Variants in APBA1 observed in about 807,000 individuals in gnomAD.
APBA1 encodes the protein amyloid-beta A4 precursor protein-binding family A member 1.
Under a neutral mutation model 86.6 loss-of-function variants are expected in APBA1, and 55 were observed. That is an observed-to-expected ratio of 0.64 (90% confidence interval 0.51 to 0.80). APBA1 has a LOEUF of 0.80. Among genes scored for constraint, APBA1 ranks in the 30% least tolerant of loss-of-function variants. The pLI, the probability that APBA1 is intolerant of heterozygous loss-of-function variation, is 0.00. For synonymous variants in APBA1, 511 were observed against 493.9 expected (o/e 1.03, Z -0.46); for missense variants, 1,090 against 1,183.0 (o/e 0.92, Z 1.15).
chr9:69,605,003 T>C (rs1387607023), intron 1 of APBA1, among the ~76,000 whole-genome samples: 1 of 152,216 alleles, frequency 6.6e-6, no homozygotes, highest in Non-Finnish European at 1.5e-5. Flanking sequence ...CAAGAATTAA[T>C]GAGAAATTCT....
At chr9:69,538,170 A>G in intron 1 of APBA1, among the ~76,000 whole-genome samples, 1 of 152,326 alleles carries the variant, frequency 6.6e-6, no homozygotes, top group Non-Finnish European at 1.5e-5. Context: ...TCCATGTTTC[A>G]TCTGGCCACT....
intron 1 of APBA1, among the ~76,000 whole-genome samples, chr9:69,620,629 A>G (rs1822797036): frequency 6.6e-6 from 1 of 152,176 alleles, no homozygotes; most frequent in African/African-American, 2.4e-5. Flanking sequence ...GTGAGCCGAG[A>G]TCGTACCACT....
At chr9:69,537,474 C>T (rs945962134) in intron 1 of APBA1, among the ~76,000 whole-genome samples, 13 of 151,986 alleles carry the variant, frequency 8.6e-5, no homozygotes, top group Admixed American at 6.6e-5. Flanking sequence ...GCAAGGAGAG[C>T]TGGAAAAAGA....
chr9:69,535,773 T>C (rs1289192075), intron 1 of APBA1, among the ~76,000 whole-genome samples: 1 of 152,178 alleles, frequency 6.6e-6, no homozygotes, highest in African/African-American at 2.4e-5. Flanking sequence ...GGCAAGCCTA[T>C]GTCTAATCTC....
At position 69,456,955 on chromosome 9, in the gene APBA1, GCTGCTCTACAGACACATGC is replaced by G. The variant is rs376166290; in HGVS notation, c.1602+79_1602+97del. On this transcript the variant is annotated intron_variant, in intron 7 of 12. Coordinates refer to ENST00000265381, the MANE Select transcript of APBA1 (RefSeq NM_001163.4). ...CACTGGGGCCCAGAATCTAGGGACA[GCTGCTCTACAGACACATGC>G]CTGCTCTACAGACACATGCATCTCT... 8.2e-4 allele frequency: 831 copies of G among 1,014,934 alleles called. 3 individuals carry two copies. In the African/African-American group the frequency reaches 0.01, roughly 13 times the overall value. 62.9% of individuals were successfully genotyped at this position (1,014,934 alleles called of 1,614,324 possible). A position where few individuals can be genotyped will look rare whatever the true frequency, so the allele number is the denominator to read the frequency against.
Position 69,457,042 on chromosome 9 carries a change from C to T in APBA1, c.1602+11G>A. The T allele has an allele frequency of 6.2e-7, 1 of 1,612,328 alleles. No individual in the cohort carries two copies. Among genetic ancestry groups the T allele is most frequent in the African/African-American group, 1.3e-5 (1 of 74,988 alleles). On this transcript the variant is annotated intron_variant, in intron 7 of 12. Coordinates refer to ENST00000265381, the MANE Select transcript of APBA1 (RefSeq NM_001163.4). Reference sequence around the variant, plus strand: ...AGCTTCACCCTGGGAAAGGTGGAAGCCAGCTGATACCTGTGTGTCGGCGTT... The same window carrying T: ...AGCTTCACCCTGGGAAAGGTGGAAGTCAGCTGATACCTGTGTGTCGGCGTT...
chr9:69,601,580 T>C (rs1274587084), intron 1 of APBA1, among the ~76,000 whole-genome samples: 1 of 152,276 alleles, frequency 6.6e-6, no homozygotes, highest in Non-Finnish European at 1.5e-5. Flanking sequence ...AGAGATGGCA[T>C]TAATCTGTTT....
At chr9:69,656,459 A>T (rs1022426959) in intron 1 of APBA1, among the ~76,000 whole-genome samples, 13 of 152,252 alleles carry the variant, frequency 8.5e-5, no homozygotes, top group African/African-American at 3.1e-4. Context: ...AAGAAGTCAG[A>T]TGCAAAAGGC....
intron 1 of APBA1, among the ~76,000 whole-genome samples, chr9:69,556,703 A>C (rs1404620839): frequency 3.9e-5 from 6 of 152,236 alleles, no homozygotes; most frequent in Non-Finnish European, 7.3e-5. Context: ...GTGTCAACCA[A>C]AAGCACCCAT....
chr9:69,517,521 G>A (rs942076635), intron 1 of APBA1, among the ~76,000 whole-genome samples: 16 of 150,318 alleles, frequency 1.1e-4, no homozygotes, highest in African/African-American at 4.0e-4. Flanking sequence ...CACACTGAGC[G>A]CCTCAGGAAC....
intron 2 of APBA1, among the ~76,000 whole-genome samples, chr9:69,510,165 G>GA (rs1309145242): frequency 6.9e-6 from 1 of 145,188 alleles, no homozygotes; most frequent in Admixed American, 6.9e-5. Context: ...TGTATATCTA[G>GA]AAAACCCCAC....
chr9:69,457,435 T>G (rs529038272), intron 6 of APBA1, among the ~76,000 whole-genome samples: 1 of 152,314 alleles, frequency 6.6e-6, no homozygotes, highest in Admixed American at 6.5e-5. Flanking sequence ...CAAGTGGCCC[T>G]CTCTGTAAGG....
intron 1 of APBA1, among the ~76,000 whole-genome samples, chr9:69,579,317 G>A (rs1194903050): frequency 2.0e-5 from 3 of 152,138 alleles, no homozygotes; most frequent in African/African-American, 7.2e-5. Context: ...GCTAATCCCC[G>A]AGCAAGATGG....
At chr9:69,501,677 C>T (rs966211321) in intron 2 of APBA1, among the ~76,000 whole-genome samples, 2 of 134,798 alleles carry the variant, frequency 1.5e-5, no homozygotes, top group African/African-American at 5.6e-5. Flanking sequence ...CACACACACA[C>T]ACTAGCTGGG....
chr9:69,452,858 T>C (rs1835034910), intron 8 of APBA1, among the ~76,000 whole-genome samples: 1 of 152,262 alleles, frequency 6.6e-6, no homozygotes, highest in Admixed American at 6.5e-5. Flanking sequence ...GCTGCTGTGA[T>C]ATCTGTGTTG....
At chr9:69,582,182 T>C (rs1821924711) in intron 1 of APBA1, among the ~76,000 whole-genome samples, 2 of 152,206 alleles carry the variant, frequency 1.3e-5, no homozygotes, top group African/African-American at 4.8e-5. Flanking sequence ...TAAGTGGCTT[T>C]GGGCATCTAA....
intron 1 of APBA1, among the ~76,000 whole-genome samples, chr9:69,577,614 G>A (rs1367796678): frequency 6.6e-6 from 1 of 152,048 alleles, no homozygotes; most frequent in African/African-American, 2.4e-5. Flanking sequence ...AACCACAGGA[G>A]GGAAATGTTA....
At chr9:69,661,726 T>A in intron 1 of APBA1, among the ~76,000 whole-genome samples, 1 of 152,160 alleles carries the variant, frequency 6.6e-6, no homozygotes, top group East Asian at 1.9e-4. Flanking sequence ...ATGAATGAGT[T>A]CTCACTCTTG....
At chr9:69,505,452 G>A (rs1259862739) in intron 2 of APBA1, among the ~76,000 whole-genome samples, 1 of 152,072 alleles carries the variant, frequency 6.6e-6, no homozygotes, top group Non-Finnish European at 1.5e-5. Context: ...CTCCATCACA[G>A]CCAGTTACCA....
Sources: allele counts gnomAD v4.1 joint callset (sites outside exome capture counted in the v4.1 genomes callset), GRCh38; gene constraint gnomAD v4.1.1; transcripts MANE v1.5; gene names NCBI Gene and HGNC (gene_info 2026-07-23, HGNC 2026-07-21).